Variants in BCKDHB observed in about 807,000 individuals in gnomAD.
BCKDHB encodes 2-oxoisovalerate dehydrogenase subunit beta, mitochondrial.
A neutral mutation model predicts 48.5 loss-of-function variants in BCKDHB; 41 were observed. The observed-to-expected ratio is 0.85, with a 90% CI of 0.66 to 1.10. BCKDHB has a LOEUF of 1.10. Ranked by LOEUF, BCKDHB falls within the 50% of genes least tolerant of loss-of-function variation. BCKDHB has a pLI of 0.00. For synonymous variants in BCKDHB, 201 were observed against 174.8 expected (o/e 1.15, Z -1.18); for missense variants, 496 against 494.2 (o/e 1.00, Z -0.03).
intron 8 of BCKDHB, among the ~76,000 whole-genome samples, chr6:80,229,662 G>A (rs2127882545): frequency 6.6e-6 from 1 of 152,100 alleles, no homozygotes; most frequent in Middle Eastern, 3.4e-3. Context: ...GTGAACATGA[G>A]TTTATGCTTT....
intron 8 of BCKDHB, among the ~76,000 whole-genome samples, chr6:80,227,176 A>G (rs568351782): frequency 5.9e-5 from 9 of 152,332 alleles, no homozygotes; most frequent in East Asian, 3.9e-4. Flanking sequence ...CAGATTGTCT[A>G]TATTAAATAA....
intron 1 of BCKDHB, among the ~76,000 whole-genome samples, chr6:80,125,976 G>A (rs763816970): frequency 6.6e-6 from 1 of 152,172 alleles, no homozygotes; most frequent in Non-Finnish European, 1.5e-5. Flanking sequence ...GCAAAATAAA[G>A]TGAAGCACAG....
chr6:80,434,850 G>T, the BCKDHB span, among the ~76,000 whole-genome samples: 1 of 152,144 alleles, frequency 6.6e-6, no homozygotes, highest in African/African-American at 2.4e-5. Flanking sequence ...GCTTTTCAGG[G>T]ATTATTTCCC....
chr6:80,183,884 T>G (rs1362235271), intron 6 of BCKDHB, among the ~76,000 whole-genome samples: 1 of 152,206 alleles, frequency 6.6e-6, no homozygotes, highest in East Asian at 1.9e-4. Flanking sequence ...GTACTATGTA[T>G]TTAAGATTCC....
chr6:80,396,733 C>A, the BCKDHB span, among the ~76,000 whole-genome samples: 1 of 152,148 alleles, frequency 6.6e-6, no homozygotes, highest in East Asian at 1.9e-4. Context: ...GTTTTTCCCT[C>A]TTTGCTTGGC....
chr6:80,397,736 G>A, the BCKDHB span, among the ~76,000 whole-genome samples: 2 of 152,018 alleles, frequency 1.3e-5, no homozygotes, highest in Non-Finnish European at 2.9e-5. Flanking sequence ...ACAAAAATTA[G>A]CCAGGCATGG....
At chr6:80,370,040 A>G in the BCKDHB span, among the ~76,000 whole-genome samples, 3 of 152,216 alleles carry the variant, frequency 2.0e-5, no homozygotes, top group Admixed American at 1.3e-4. Context: ...ATAAAGTAGT[A>G]TATTAGTCAA....
At chr6:80,443,533 G>A in the BCKDHB span, 1 of 152,172 alleles carries the variant, frequency 6.6e-6, no homozygotes, top group Non-Finnish European at 1.5e-5. Flanking sequence ...TGTTATCACT[G>A]AGCAGGTAAG....
chr6:80,396,368 T>G, the BCKDHB span, among the ~76,000 whole-genome samples: 2 of 152,346 alleles, frequency 1.3e-5, no homozygotes, highest in African/African-American at 2.4e-5. Flanking sequence ...AGTAACTAAC[T>G]TGCTTTTGAT....
the BCKDHB span, among the ~76,000 whole-genome samples, chr6:80,412,849 TC>T: frequency 7.9e-5 from 12 of 152,328 alleles, no homozygotes; most frequent in Non-Finnish European, 1.6e-4. Flanking sequence ...TCTAACTTTC[TC>T]CTGACCTGCA....
chr6:80,268,070 C>A (rs560485910), intron 8 of BCKDHB, among the ~76,000 whole-genome samples: 1 of 151,966 alleles, frequency 6.6e-6, no homozygotes, highest in Admixed American at 6.6e-5. Context: ...ATTTCTCCAG[C>A]GGAATACTAG....
chr6:80,458,863 AAAC>A, the BCKDHB span, among the ~76,000 whole-genome samples: 30 of 152,308 alleles, frequency 2.0e-4, no homozygotes, highest in African/African-American at 6.5e-4. Context: ...GTCATGAACA[AAAC>A]TAAGCTAAAT....
intron 8 of BCKDHB, among the ~76,000 whole-genome samples, chr6:80,246,686 CAGAA>C (rs1776630969): frequency 6.6e-6 from 1 of 152,200 alleles, no homozygotes; most frequent in Non-Finnish European, 1.5e-5. Context: ...CACTGGCTTA[CAGAA>C]TCCAAAATGG....
the BCKDHB span, among the ~76,000 whole-genome samples, chr6:80,427,957 G>A: frequency 1.1e-4 from 16 of 151,864 alleles, no homozygotes; most frequent in Admixed American, 4.6e-4. Flanking sequence ...AGGTATACAC[G>A]TGCCAGGGTG....
At chr6:80,295,101 C>T (rs1331133992) in intron 9 of BCKDHB, among the ~76,000 whole-genome samples, 1 of 152,182 alleles carries the variant, frequency 6.6e-6, no homozygotes, top group Non-Finnish European at 1.5e-5. Context: ...TGTAAAATTC[C>T]TCTCTTTATA....
At chr6:80,120,255 CT>C (rs1362561407) in intron 1 of BCKDHB, among the ~76,000 whole-genome samples, 1 of 152,044 alleles carries the variant, frequency 6.6e-6, no homozygotes, top group African/African-American at 2.4e-5. Flanking sequence ...TTAATCTAGT[CT>C]ATCATTGATA....
chr6:80,193,215 G>GA (rs1292272599), intron 6 of BCKDHB, among the ~76,000 whole-genome samples: 2 of 152,004 alleles, frequency 1.3e-5, no homozygotes, highest in Non-Finnish European at 2.9e-5. Context: ...AATTATTGAA[G>GA]AAAAAAATTA....
chr6:80,385,658 G>A, the BCKDHB span, among the ~76,000 whole-genome samples: 1 of 152,072 alleles, frequency 6.6e-6, no homozygotes, highest in East Asian at 1.9e-4. Context: ...TTCTCCTCAG[G>A]AGCCACCCTC....
intron 8 of BCKDHB, among the ~76,000 whole-genome samples, chr6:80,256,472 G>A (rs913236569): frequency 2.0e-5 from 3 of 152,050 alleles, no homozygotes; most frequent in African/African-American, 4.8e-5. Context: ...GTCAAAATAC[G>A]GTTTATAATC....
Sources: allele counts gnomAD v4.1 joint callset (sites outside exome capture counted in the v4.1 genomes callset), GRCh38; gene constraint gnomAD v4.1.1; transcripts MANE v1.5; gene names NCBI Gene and HGNC (gene_info 2026-07-23, HGNC 2026-07-21).